Variants in DEPDC1B observed in about 807,000 individuals in gnomAD.
The protein encoded by DEPDC1B is DEP domain containing 1B.
Under a neutral mutation model 66.5 loss-of-function variants are expected in DEPDC1B, and 51 were observed. That is an observed-to-expected ratio of 0.77 (90% CI 0.61 to 0.97). The LOEUF (loss-of-function observed/expected upper bound fraction) is 0.97, where lower values mean the gene tolerates loss of function less well. Among genes scored for constraint, DEPDC1B ranks in the 50% least tolerant of loss-of-function variants. DEPDC1B has a pLI of 0.00. For synonymous variants in DEPDC1B, 226 were observed against 223.6 expected (o/e 1.01, Z -0.10); for missense variants, 552 against 637.1 (o/e 0.87, Z 1.44).
chr5:60,683,869 C>G (rs768191252), intron 2 of DEPDC1B, among the ~76,000 whole-genome samples: 5 of 151,940 alleles, frequency 3.3e-5, no homozygotes, highest in Admixed American at 1.3e-4. Flanking sequence ...TCCTAAGATG[C>G]CACTAAAAAA....
rs768358577 is a variant in DEPDC1B at position 60,675,553 on chromosome 5, T to C, written c.314+11409A>G. Among the ~76,000 whole-genome samples the C allele has an allele frequency of 1.2e-3, 176 of 152,342 alleles. 2 individuals are homozygous for C. The Middle Eastern group carries it at 0.014, about 12-fold the overall frequency. ...AGCCTCTGTAAGCAGATGCTAAACA[T>C]TAACAAAGATTCTAAATGTAACTAG... On this transcript the variant is annotated intron_variant, in intron 2 of 10. Coordinates refer to ENST00000265036, the MANE Select transcript of DEPDC1B (RefSeq NM_018369.3).
intron 2 of DEPDC1B, among the ~76,000 whole-genome samples, chr5:60,664,455 C>T (rs1448875958): frequency 3.9e-5 from 6 of 152,206 alleles, no homozygotes; most frequent in African/African-American, 7.2e-5. Context: ...AAATATCAGG[C>T]TCTATTACTT....
intron 8 of DEPDC1B, among the ~76,000 whole-genome samples, chr5:60,604,218 C>CTTTTTTTTTTTTTTTTTTTTTTTTTTTT (rs869142199): frequency 1.4e-5 from 1 of 68,970 alleles, no homozygotes; most frequent in Non-Finnish European, 2.8e-5. Context: ...ATTAACTATT[C>CTTTTTTTTTTTTTTTTTTTTTTTTTTTT]TTTTTTTTTT....
chr5:60,685,219 G>A (rs1318096198), intron 2 of DEPDC1B, among the ~76,000 whole-genome samples: 2 of 152,140 alleles, frequency 1.3e-5, no homozygotes, highest in Non-Finnish European at 2.9e-5. Context: ...ACGGCCGGCT[G>A]TACACTCATT....
At chr5:60,604,877 A>G (rs115870028) in intron 8 of DEPDC1B, among the ~76,000 whole-genome samples, 2,159 of 152,258 alleles carry the variant, frequency 0.014, 25 homozygotes, top group Non-Finnish European at 0.023. Context: ...ACTCACTCCA[A>G]AAAAATATAG....
chr5:60,680,866 C>T (rs1754281556), intron 2 of DEPDC1B, among the ~76,000 whole-genome samples: 1 of 146,430 alleles, frequency 6.8e-6, no homozygotes, highest in Non-Finnish European at 1.5e-5. Context: ...ACTAAGTCAA[C>T]CTCATGTTGT....
At chr5:60,604,458 T>A (rs1752270922) in intron 8 of DEPDC1B, among the ~76,000 whole-genome samples, 1 of 151,856 alleles carries the variant, frequency 6.6e-6, no homozygotes, top group Non-Finnish European at 1.5e-5. Flanking sequence ...TGACCTCAGG[T>A]GATCCACCTG....
At position 60,651,736 on chromosome 5, in the gene DEPDC1B, T is replaced by C. The variant is rs538251677; in HGVS notation, c.315-4203A>G. ...GGTTGAAAGAACAGTAAGGAAGTTG[T>C]TGTGAAACAGTATGGAAGGTGGAGA... On this transcript the variant is annotated intron_variant, in intron 2 of 10. Coordinates refer to ENST00000265036, the MANE Select transcript of DEPDC1B (RefSeq NM_018369.3). Among the ~76,000 whole-genome samples the C allele has an allele frequency of 3.9e-5, 6 of 152,278 alleles. No individual in the cohort carries two copies. In the East Asian group the frequency reaches 9.7e-4, roughly 25 times the overall value.
chr5:60,605,040 A>T (rs933459053), intron 8 of DEPDC1B, among the ~76,000 whole-genome samples: 2 of 152,194 alleles, frequency 1.3e-5, no homozygotes, highest in African/African-American at 2.4e-5. Flanking sequence ...GCTCAAAGAC[A>T]TTTTTTGAGG....
chr5:60,648,830 C>T (rs973287610), intron 2 of DEPDC1B, among the ~76,000 whole-genome samples: 2 of 152,202 alleles, frequency 1.3e-5, no homozygotes, highest in African/African-American at 4.8e-5. Flanking sequence ...AAATGAATCT[C>T]TATAGCCAAA....
At chr5:60,660,437 C>G (rs1753687675) in intron 2 of DEPDC1B, among the ~76,000 whole-genome samples, 1 of 152,072 alleles carries the variant, frequency 6.6e-6, no homozygotes, top group African/African-American at 2.4e-5. Flanking sequence ...TTCTCCGGGA[C>G]CCTATAACAC....
Position 60,602,832 on chromosome 5 carries a change from C to T in DEPDC1B, c.1242+559G>A, listed in dbSNP as rs146106093. On this transcript the variant is annotated intron_variant, in intron 9 of 10. Transcript: ENST00000265036. The stretch of plus-strand genomic sequence containing the variant: ...GTTAAGGGACTTGCCCAGAGTCACA[C>T]GACAGAAAGGATACAGCTAGGAATT... Among the ~76,000 whole-genome samples, 228 of 152,210 alleles carry T rather than the reference C, an allele frequency of 1.5e-3. 2 individuals carry two copies. The highest frequency in any genetic ancestry group is 5.2e-3 in the African/African-American group (216 of 41,538).
At chr5:60,609,938 A>T (rs1246175282) in intron 7 of DEPDC1B, among the ~76,000 whole-genome samples, 1 of 152,172 alleles carries the variant, frequency 6.6e-6, no homozygotes, top group Non-Finnish European at 1.5e-5. Flanking sequence ...TTTTCCAAGT[A>T]TACATTACTA....
At chr5:60,666,771 C>T (rs1036293602) in intron 2 of DEPDC1B, among the ~76,000 whole-genome samples, 2 of 152,120 alleles carry the variant, frequency 1.3e-5, no homozygotes, top group African/African-American at 4.8e-5. Context: ...GCACCGACTA[C>T]CCTAAGACCA....
chr5:60,607,684 A>G (rs1210892053), intron 7 of DEPDC1B, among the ~76,000 whole-genome samples: 1 of 152,148 alleles, frequency 6.6e-6, no homozygotes, highest in Non-Finnish European at 1.5e-5. Flanking sequence ...GTGCTCCAAA[A>G]AAAACACTTC....
At position 60,599,188 on chromosome 5, in the gene DEPDC1B, C is replaced by T. The variant is rs755781117; in HGVS notation, c.1315G>A (p.Glu439Lys). The change falls in exon 10 of 11, where the codon GAA (glutamate) becomes AAA (lysine). Residue 439 changes from glutamate to lysine, a missense_variant. Physicochemically the swap from Glu to Lys is moderately conservative, Grantham distance 56. Coordinates refer to ENST00000265036, the MANE Select transcript of DEPDC1B (RefSeq NM_018369.3). ...CCATATGATCTTTGATATTCAAATT[C>T]CTCTGGACTAATTTGACGGCAAAAT... ...PSFCRQISPE[E>K]FEYQRSYGSQ... 4.3e-6 allele frequency: 7 copies of T among 1,612,756 alleles called. 1 individual carries two copies. The South Asian group carries it at 7.7e-5, about 18-fold the overall frequency.
chr5:60,646,205 T>C (rs988107018), intron 3 of DEPDC1B, among the ~76,000 whole-genome samples: 9 of 152,170 alleles, frequency 5.9e-5, no homozygotes, highest in Admixed American at 4.6e-4. Flanking sequence ...CCTGGTGGTC[T>C]TCTACTGGGG....
chr5:60,597,754 T>C lies in DEPDC1B; in HGVS notation c.1589A>G (p.Ter530=). The C allele has an allele frequency of 6.2e-7, 1 of 1,612,438 alleles. No homozygotes were observed. Among genetic ancestry groups the C allele is most frequent in the Non-Finnish European group, 8.5e-7 (1 of 1,179,368 alleles). ...GCACCTGTTGCTGTGGAAGTATTAT[T>C]ACATTCGAAAACTTCTAGTTCTTTG... ...PFQRTRSFRM[*] Residue 530 remains the stop codon, a stop_retained_variant, in exon 11 of 11, where the codon TAA becomes TGA. Coordinates refer to ENST00000265036, the MANE Select transcript of DEPDC1B (RefSeq NM_018369.3).
At chr5:60,605,158 C>T (rs530267853) in intron 8 of DEPDC1B, among the ~76,000 whole-genome samples, 3 of 152,098 alleles carry the variant, frequency 2.0e-5, no homozygotes, top group Non-Finnish European at 4.4e-5. Flanking sequence ...CTGGGGGATA[C>T]AGGGACATGG....
Sources: allele counts gnomAD v4.1 joint callset (sites outside exome capture counted in the v4.1 genomes callset), GRCh38; gene constraint gnomAD v4.1.1; transcripts MANE v1.5; gene names NCBI Gene and HGNC (gene_info 2026-07-23, HGNC 2026-07-21).